The following SGCD variants were observed in gnomAD, a reference collection of about 807,000 sequenced individuals.
The protein encoded by SGCD is delta-sarcoglycan.
SGCD carries 18 observed loss-of-function variants against 36.6 expected under a neutral mutation model. That is an observed-to-expected ratio of 0.49 (90% CI 0.34 to 0.73). The LOEUF is 0.73. Among genes scored for constraint, SGCD ranks in the 30% least tolerant of loss-of-function variants. The pLI is 0.01. For missense variants in SGCD, 387 were observed against 346.7 expected, an observed-to-expected ratio of 1.12 and a Z score of -0.92; for synonymous variants, 133 against 130.6, an observed-to-expected ratio of 1.02 and a Z score of -0.12.
intron 4 of SGCD, among the ~76,000 whole-genome samples, chr5:156,527,230 T>C (rs959779710): frequency 2.0e-5 from 3 of 152,012 alleles, no homozygotes; most frequent in Admixed American, 6.6e-5. Context: ...AAATAACTTA[T>C]AAGAAGTACA....
intron 3 of SGCD, among the ~76,000 whole-genome samples, chr5:156,129,142 A>ATGATAC (rs557441063): frequency 2.6e-4 from 39 of 152,340 alleles, no homozygotes; most frequent in Middle Eastern, 3.4e-3. Context: ...AGCTGATTAA[A>ATGATAC]TGATACACAT....
At chr5:156,432,935 A>G (rs1180783450) in intron 3 of SGCD, among the ~76,000 whole-genome samples, 2 of 152,088 alleles carry the variant, frequency 1.3e-5, no homozygotes, top group Admixed American at 1.3e-4. Context: ...TCCTTCCTAT[A>G]TGCCTGTAAT....
intron 1 of SGCD, among the ~76,000 whole-genome samples, chr5:155,870,867 G>A (rs1243622480): frequency 6.6e-6 from 1 of 152,148 alleles, no homozygotes; most frequent in Non-Finnish European, 1.5e-5. Context: ...GTCACAACAC[G>A]CGATCGTTAT....
At chr5:155,791,889 A>T in the SGCD span, among the ~76,000 whole-genome samples, 1 of 152,200 alleles carries the variant, frequency 6.6e-6, no homozygotes, top group East Asian at 1.9e-4. Context: ...GTCATTTTTC[A>T]CAGAATTAGA....
chr5:155,852,877 A>G, the SGCD span, among the ~76,000 whole-genome samples: 2 of 152,080 alleles, frequency 1.3e-5, no homozygotes, highest in African/African-American at 4.8e-5. Flanking sequence ...GTAATAGAGA[A>G]AAAGTGCTAG....
intron 4 of SGCD, among the ~76,000 whole-genome samples, chr5:156,555,022 T>C (rs1028336355): frequency 6.6e-6 from 1 of 152,238 alleles, no homozygotes; most frequent in Non-Finnish European, 1.5e-5. Flanking sequence ...ATTGGCCATT[T>C]GTATATCTTC....
At chr5:155,772,018 C>T in the SGCD span, among the ~76,000 whole-genome samples, 13 of 152,122 alleles carry the variant, frequency 8.5e-5, no homozygotes, top group Admixed American at 8.5e-4. Flanking sequence ...AATTACGAAT[C>T]TCTTTATTAC....
intron 3 of SGCD, among the ~76,000 whole-genome samples, chr5:156,129,576 T>C (rs924498032): frequency 1.3e-5 from 2 of 152,170 alleles, no homozygotes; most frequent in African/African-American, 4.8e-5. Context: ...TACAGATTAG[T>C]TCATCACCCA....
At chr5:155,752,618 AG>A in the SGCD span, among the ~76,000 whole-genome samples, 2 of 152,160 alleles carry the variant, frequency 1.3e-5, no homozygotes, top group Non-Finnish European at 2.9e-5. Context: ...TAACCCCCAT[AG>A]GACCATAGTC....
At chr5:156,278,471 G>A (rs1351696616) in intron 3 of SGCD, among the ~76,000 whole-genome samples, 1 of 152,102 alleles carries the variant, frequency 6.6e-6, no homozygotes, top group African/African-American at 2.4e-5. Context: ...GGGTGGTAGA[G>A]GACTTGGAAA....
chr5:156,481,521 A>C lies in SGCD; in HGVS notation c.193-27080A>C, dbSNP rs186356048. On this transcript the variant is annotated intron_variant, in intron 3 of 8. Transcript: ENST00000337851. ...GAATACACTTTGTGGATCCAAAAAA[A>C]CTACATCTGCCAGCCCAAAATAGCC... Among the ~76,000 whole-genome samples the C allele has an allele frequency of 1.2e-3, 180 of 152,288 alleles. 2 individuals carry two copies. The highest frequency in any genetic ancestry group is 0.01 in the Middle Eastern group (3 of 294).
intron 3 of SGCD, among the ~76,000 whole-genome samples, chr5:156,421,133 A>G (rs1216633789): frequency 6.6e-6 from 1 of 152,142 alleles, no homozygotes; most frequent in Non-Finnish European, 1.5e-5. Flanking sequence ...TCTCAATGGA[A>G]TACTTCACAG....
intron 3 of SGCD, among the ~76,000 whole-genome samples, chr5:156,464,542 C>G (rs913833327): frequency 6.6e-6 from 1 of 152,034 alleles, no homozygotes; most frequent in African/African-American, 2.4e-5. Context: ...TCTTAGGCAC[C>G]ATTTTATATG....
At chr5:156,579,266 G>C (rs1466607827) in intron 4 of SGCD, among the ~76,000 whole-genome samples, 1 of 152,198 alleles carries the variant, frequency 6.6e-6, no homozygotes, top group East Asian at 1.9e-4. Flanking sequence ...ATTGCACTGT[G>C]ATCTGAGAGA....
intron 3 of SGCD, among the ~76,000 whole-genome samples, chr5:156,377,084 C>T (rs1238439509): frequency 1.3e-5 from 2 of 152,018 alleles, no homozygotes; most frequent in African/African-American, 4.8e-5. Context: ...AAAAAAAAGT[C>T]ATGTAAAATC....
chr5:156,097,619 T>C (rs185319521), intron 1 of SGCD, among the ~76,000 whole-genome samples: 1 of 152,332 alleles, frequency 6.6e-6, no homozygotes, highest in East Asian at 1.9e-4. Flanking sequence ...TTTTCATTTG[T>C]ATTGAGAGAG....
At chr5:156,175,308 A>G in intron 3 of SGCD, among the ~76,000 whole-genome samples, 1 of 152,210 alleles carries the variant, frequency 6.6e-6, no homozygotes, top group Non-Finnish European at 1.5e-5. Context: ...TTTTGAATGT[A>G]GAAAAAAAGT....
intron 3 of SGCD, among the ~76,000 whole-genome samples, chr5:156,368,222 C>G (rs528567335): frequency 2.0e-5 from 3 of 152,120 alleles, no homozygotes; most frequent in African/African-American, 7.2e-5. Flanking sequence ...TCCTGAGTAG[C>G]TGGGATTACA....
intron 7 of SGCD, among the ~76,000 whole-genome samples, chr5:156,668,923 A>G (rs745919046): frequency 5.3e-5 from 8 of 152,296 alleles, no homozygotes; most frequent in African/African-American, 9.6e-5. Context: ...GAGGAGGCCA[A>G]TTGCAAGGTG....
Sources: gnomAD v4.1 joint callset for allele counts (sites outside exome capture counted in the v4.1 genomes callset) on GRCh38, gnomAD v4.1.1 for gene constraint, MANE v1.5 for transcripts, NCBI Gene and HGNC (gene_info 2026-07-23, HGNC 2026-07-21) for gene names.